Variants in FLRT1 observed in about 807,000 individuals in gnomAD.
FLRT1 encodes leucine-rich repeat transmembrane protein FLRT1.
FLRT1 carries 14 observed loss-of-function variants against 30.9 expected under a neutral mutation model. The observed-to-expected ratio is 0.45, with a 90% CI of 0.30 to 0.71. FLRT1 has a LOEUF of 0.71. Ranked by LOEUF, FLRT1 falls within the 30% of genes least tolerant of loss-of-function variation. FLRT1 has a pLI of 0.08. For synonymous variants in FLRT1, 368 were observed against 430.4 expected, an observed-to-expected ratio of 0.85 and a Z score of 1.80; for missense variants, 737 against 949.2, an observed-to-expected ratio of 0.78 and a Z score of 2.94.
intron 1 of FLRT1, among the ~76,000 whole-genome samples, chr11:64,040,068 G>A (rs906637088): frequency 6.6e-6 from 1 of 152,222 alleles, no homozygotes; most frequent in Admixed American, 6.5e-5. Flanking sequence ...TAATCATTGA[G>A]CATTAGTTAT....
chr11:64,061,039 C>A (rs1038359163), intron 1 of FLRT1, among the ~76,000 whole-genome samples: 1 of 152,154 alleles, frequency 6.6e-6, no homozygotes, highest in African/African-American at 2.4e-5. Flanking sequence ...CTCCTCCTCC[C>A]TTGTCTTGAT....
chr11:64,117,868 G>C lies in FLRT1; in HGVS notation c.1601G>C (p.Gly534Ala), dbSNP rs1945020586. Residue 534 changes from glycine to alanine, a missense_variant, in exon 3 of 3, where the codon GGC becomes GCC. Gly to Ala is a moderately conservative substitution (Grantham distance 60). Transcript: ENST00000682287. ...AAGGCAGAGACAGCCGACAGCTATG[G>C]CCCTACCACCACACTCAACCAGGAG... ...CAKAETADSY[G>A]PTTTLNQEQN... is the part of the protein sequence containing the mutation. 1 of 1,614,010 alleles carries C rather than the reference G, an allele frequency of 6.2e-7. No homozygotes were observed. The highest frequency in any genetic ancestry group is 1.1e-5 in the South Asian group (1 of 91,088).
In FLRT1 at chr11:64,118,687, G is replaced by T. The variant is rs939509788; in HGVS notation, c.*395G>T. The T allele has an allele frequency of 2.9e-5, 5 of 174,032 alleles. No individual in the cohort carries two copies. Among genetic ancestry groups the T allele is most frequent in the Non-Finnish European group, 4.1e-5 (3 of 73,288 alleles). 10.8% of individuals were successfully genotyped at this position (174,032 alleles called of 1,614,324 possible). A position where few individuals can be genotyped will look rare whatever the true frequency, so the allele number is the denominator to read the frequency against. On this transcript the variant is annotated 3_prime_UTR_variant, in exon 3 of 3. Transcript: ENST00000682287. ...TGTTCAAGGCCATCACAAAGGAACCGCCAGGGAGAAGCAGCCGGCTCTCAA... is the reference window on the plus strand; with the variant it reads ...TGTTCAAGGCCATCACAAAGGAACCTCCAGGGAGAAGCAGCCGGCTCTCAA...
chr11:64,051,644 T>C (rs1943697924), intron 1 of FLRT1, among the ~76,000 whole-genome samples: 1 of 152,034 alleles, frequency 6.6e-6, no homozygotes, highest in Admixed American at 6.5e-5. Flanking sequence ...CTGGTGGCAG[T>C]GTGTACATCA....
intron 2 of FLRT1, among the ~76,000 whole-genome samples, chr11:64,112,254 C>T (rs1466071823): frequency 1.3e-5 from 2 of 152,166 alleles, no homozygotes; most frequent in Admixed American, 1.3e-4. Context: ...TGTGGCTCAC[C>T]TGTAATCCCA....
At chr11:64,072,275 G>A (rs1944123835) in intron 1 of FLRT1, among the ~76,000 whole-genome samples, 2 of 152,248 alleles carry the variant, frequency 1.3e-5, no homozygotes, top group East Asian at 1.9e-4. Flanking sequence ...GGGTGATGCC[G>A]GCCCTGGAGA....
At chr11:64,076,508 C>T (rs193210387) in intron 1 of FLRT1, among the ~76,000 whole-genome samples, 59 of 152,234 alleles carry the variant, frequency 3.9e-4, no homozygotes, top group African/African-American at 1.2e-3. Flanking sequence ...TCATCTGTGC[C>T]GGGCCCTGTG....
At chr11:64,085,069 A>G (rs1944370440) in intron 1 of FLRT1, among the ~76,000 whole-genome samples, 1 of 152,230 alleles carries the variant, frequency 6.6e-6, no homozygotes, top group Non-Finnish European at 1.5e-5. Flanking sequence ...AGGTTCAGTC[A>G]TTGCACAGAT....
At position 64,096,109 on chromosome 11, in the gene FLRT1, C is replaced by T. The variant is rs1306523424; in HGVS notation, c.-1037-7085C>T. Among the ~76,000 whole-genome samples the T allele has an allele frequency of 7.9e-5, 12 of 152,228 alleles. No homozygotes were observed. The highest frequency in any genetic ancestry group is 3.2e-3 in the Middle Eastern group (1 of 314). On this transcript the variant is annotated intron_variant, in intron 1 of 2. Transcript: ENST00000682287. The surrounding 1 kb of genome is among the most constrained non-coding windows in gnomAD (Gnocchi z 4.6). ...ACTTCACAGCCAGGCTGCCAGGAGA[C>T]GCTGTGAGAGTGCCCAGACCCTGGA...
chr11:64,048,317 C>G (rs190753289), intron 1 of FLRT1, among the ~76,000 whole-genome samples: 226 of 152,344 alleles, frequency 1.5e-3, no homozygotes, highest in Non-Finnish European at 2.4e-3. Context: ...CAGAGCCCAG[C>G]CTTTGTGCCA....
chr11:64,069,987 G>A (rs1031280023), intron 1 of FLRT1, among the ~76,000 whole-genome samples: 1 of 152,132 alleles, frequency 6.6e-6, no homozygotes, highest in African/African-American at 2.4e-5. Context: ...GCAGAGCAGG[G>A]GGCCAGGAAG....
intron 1 of FLRT1, among the ~76,000 whole-genome samples, chr11:64,040,752 C>G (rs920880257): frequency 1.3e-5 from 2 of 152,084 alleles, no homozygotes; most frequent in African/African-American, 4.8e-5. Context: ...CCTGAATGTT[C>G]CCGGTGCAGG....
chr11:64,110,294 AC>A (rs1212623837), intron 2 of FLRT1, among the ~76,000 whole-genome samples: 2 of 152,152 alleles, frequency 1.3e-5, no homozygotes, highest in East Asian at 3.9e-4. Context: ...TGCAAAAAAT[AC>A]AAAAATTAGC....
At chr11:64,041,278 T>C (rs950289016) in intron 1 of FLRT1, among the ~76,000 whole-genome samples, 3 of 137,118 alleles carry the variant, frequency 2.2e-5, no homozygotes, top group African/African-American at 8.3e-5. Context: ...ATGCCTTCCG[T>C]GAGGAGCCGG....
At chr11:64,040,590 C>T (rs1345275965) in intron 1 of FLRT1, among the ~76,000 whole-genome samples, 3 of 152,214 alleles carry the variant, frequency 2.0e-5, no homozygotes, top group African/African-American at 7.2e-5. Context: ...TCCCCTTTTC[C>T]CGAGAGCTGT....
intron 2 of FLRT1, among the ~76,000 whole-genome samples, chr11:64,108,683 A>C (rs925966894): frequency 6.6e-6 from 1 of 152,150 alleles, no homozygotes; most frequent in African/African-American, 2.4e-5. Context: ...GGGCTGAGAA[A>C]CTGCTTCTGC....
intron 2 of FLRT1, among the ~76,000 whole-genome samples, chr11:64,115,804 C>T (rs533836371): frequency 2.6e-5 from 4 of 152,212 alleles, no homozygotes; most frequent in Non-Finnish European, 5.9e-5. Context: ...CGCCCTAAAT[C>T]CATCCCATCC....
intron 1 of FLRT1, among the ~76,000 whole-genome samples, chr11:64,098,199 C>T (rs565507356): frequency 1.7e-4 from 26 of 152,328 alleles, no homozygotes; most frequent in African/African-American, 6.3e-4. Flanking sequence ...GGCACCCTCA[C>T]AGCCTCCCCC....
At chr11:64,057,465 C>T (rs577223247) in intron 1 of FLRT1, among the ~76,000 whole-genome samples, 11 of 152,314 alleles carry the variant, frequency 7.2e-5, no homozygotes, top group African/African-American at 1.2e-4. Context: ...CCAGTCCCTC[C>T]CCTCAGGAAG....
Sources: allele counts gnomAD v4.1 joint callset (sites outside exome capture counted in the v4.1 genomes callset), GRCh38; gene constraint gnomAD v4.1.1; non-coding constraint Gnocchi (gnomAD v3.1); transcripts MANE v1.5; gene names NCBI Gene and HGNC (gene_info 2026-07-23, HGNC 2026-07-21).